Variants in CFAP61 observed in about 807,000 individuals in gnomAD.
CFAP61 encodes cilia- and flagella-associated protein 61.
In CFAP61, 107 loss-of-function variants were observed where a neutral mutation model predicts 135.6. That is an observed-to-expected ratio of 0.79 (90% CI 0.67 to 0.93). The LOEUF is 0.93. Ranked by LOEUF, CFAP61 falls within the 40% of genes least tolerant of loss-of-function variation. The pLI is 0.00. For missense variants in CFAP61, 1,507 were observed against 1,556.2 expected (o/e 0.97, Z 0.53); for synonymous variants, 575 against 578.5 (o/e 0.99, Z 0.09).
At chr20:20,094,629 A>G (rs6081873) in intron 7 of CFAP61, 120,777 of 152,200 alleles carry the variant, frequency 0.79, 48,281 homozygotes, top group East Asian at 0.99. Context: ...TGAAAACTGC[A>G]GTTCCAACCC....
intron 13 of CFAP61, among the ~76,000 whole-genome samples, chr20:20,172,582 T>C (rs567769633): frequency 3.7e-4 from 57 of 152,300 alleles, no homozygotes; most frequent in African/African-American, 1.3e-3. Context: ...GGCCTCCCAG[T>C]GTTGCAATTA....
chr20:20,278,678 G>A (rs1399403861), intron 22 of CFAP61, among the ~76,000 whole-genome samples: 1 of 152,138 alleles, frequency 6.6e-6, no homozygotes, highest in East Asian at 1.9e-4. Context: ...GTGCTGCTAA[G>A]GATTGAGAAT....
At chr20:20,242,709 T>G in intron 18 of CFAP61, among the ~76,000 whole-genome samples, 1 of 152,270 alleles carries the variant, frequency 6.6e-6, no homozygotes, top group East Asian at 1.9e-4. Context: ...GAATGTGCCT[T>G]GGGCTCTGGA....
intron 2 of CFAP61, among the ~76,000 whole-genome samples, chr20:20,059,001 T>TAGTAAAATAAAA (rs2044582536): frequency 6.6e-6 from 1 of 152,164 alleles, no homozygotes; most frequent in Non-Finnish European, 1.5e-5. Context: ...TAACTATGTT[T>TAGTAAAATAAAA]ACTATGTCTA....
At chr20:20,204,550 C>T (rs2056776810) in intron 17 of CFAP61, among the ~76,000 whole-genome samples, 1 of 152,190 alleles carries the variant, frequency 6.6e-6, no homozygotes, top group South Asian at 2.1e-4. Flanking sequence ...TTCACTTGTG[C>T]ATCTGCTGCC....
At chr20:20,126,213 T>C (rs2050054453) in intron 8 of CFAP61, among the ~76,000 whole-genome samples, 1 of 151,852 alleles carries the variant, frequency 6.6e-6, no homozygotes. Context: ...TTAATGTTAG[T>C]GTTGAGATGT....
Position 20,360,279 on chromosome 20 carries a change from A to G in CFAP61, c.3583A>G (p.Lys1195Glu). Residue 1195 changes from lysine to glutamate, a missense_variant, in exon 27 of 27, where the codon AAG becomes GAG. Transcript: ENST00000245957. ...AGATGAGGAAATCAACCCGACTGAGAAGCCCAGGCAATACCTCAAAAGAGT... is the reference window on the plus strand; with the variant it reads ...AGATGAGGAAATCAACCCGACTGAGGAGCCCAGGCAATACCTCAAAAGAGT... The part of the protein sequence containing the change: ...IEDEEINPTE[K>E]PRQYLKRVFE... The G allele has an allele frequency of 6.2e-7, 1 of 1,613,938 alleles. No individual in the cohort carries two copies. The highest frequency in any genetic ancestry group is 1.1e-5 in the South Asian group (1 of 91,082).
rs527426362 is a variant in CFAP61, at chr20:20,059,429, C to T, written c.143+2633C>T. ...GTCAGGAGTTTGAGACCAACCTGGCCTATATGGCAAAACCCCATCTCTACC... is the reference window on the plus strand; with the variant it reads ...GTCAGGAGTTTGAGACCAACCTGGCTTATATGGCAAAACCCCATCTCTACC... On this transcript the variant is annotated intron_variant, in intron 2 of 26. Coordinates refer to ENST00000245957, the MANE Select transcript of CFAP61 (RefSeq NM_015585.4). 6.0e-5 allele frequency among the ~76,000 whole-genome samples: 9 copies of T among 149,952 alleles called. No homozygotes were observed. In the South Asian group the frequency reaches 1.3e-3, roughly 21 times the overall value.
intron 17 of CFAP61, among the ~76,000 whole-genome samples, chr20:20,209,465 C>A (rs893574801): frequency 2.6e-5 from 4 of 152,132 alleles, no homozygotes; most frequent in Non-Finnish European, 5.9e-5. Flanking sequence ...TTTCTCTTGG[C>A]AATATGTTGC....
In CFAP61 at chr20:20,075,856, GT is replaced by G. The variant is rs1413269348; in HGVS notation, c.566+244del. On this transcript the variant is annotated intron_variant, in intron 6 of 26. Coordinates refer to ENST00000245957, the MANE Select transcript of CFAP61 (RefSeq NM_015585.4). ...AACATTATTCATTGACTCCTTAGGG[GT>G]TTCTGAAAACACACAATCCTAGGTC... Among the ~76,000 whole-genome samples, 6 of 152,000 alleles carry G rather than the reference GT, an allele frequency of 3.9e-5. 1 individual carries two copies. The highest frequency in any genetic ancestry group is 3.9e-4 in the Admixed American group (6 of 15,260).
chr20:20,325,758 G>C (rs1303795701), intron 25 of CFAP61, among the ~76,000 whole-genome samples: 2 of 152,190 alleles, frequency 1.3e-5, no homozygotes, highest in Non-Finnish European at 2.9e-5. Flanking sequence ...GATGTGGTAA[G>C]AGTGTTTAGT....
chr20:20,149,867 T>C (rs2424284), intron 9 of CFAP61, among the ~76,000 whole-genome samples: 137,871 of 152,198 alleles, frequency 0.91, 63,263 homozygotes, highest in Middle Eastern at 0.99. Context: ...TGGGGATGAA[T>C]GGGAACCACT....
intron 8 of CFAP61, among the ~76,000 whole-genome samples, chr20:20,114,908 A>T (rs2049034652): frequency 6.6e-6 from 1 of 152,150 alleles, no homozygotes; most frequent in Non-Finnish European, 1.5e-5. Context: ...ATTTGCTAAG[A>T]GTTTTATTAG....
intron 21 of CFAP61, 69 bp from the exon 22 acceptor site, chr20:20,277,094 CATT>C: frequency 8.3e-7 from 1 of 1,211,100 alleles, no homozygotes; most frequent in Non-Finnish European, 1.2e-6. Flanking sequence ...AGCAATTCGG[CATT>C]ATTAGCATTT....
intron 25 of CFAP61, among the ~76,000 whole-genome samples, chr20:20,332,074 G>A (rs2058021232): frequency 6.6e-6 from 1 of 152,152 alleles, no homozygotes. Flanking sequence ...AATTCAATTA[G>A]TGCAGCCCCT....
In CFAP61 at chr20:20,251,623, C is replaced by T. The variant is rs778072749; in HGVS notation, c.2188C>T (p.Leu730=). The stretch of plus-strand genomic sequence containing the variant: ...CTGTTTTAATGATAAAGATTATGCA[C>T]TGATGTCACTGTGCTCCTGGGTTAA... ...DHCFNDKDYA[L]MSLCSWVNVV... Residue 730 remains leucine, a synonymous_variant, in exon 20 of 27, where the codon CTG becomes TTG. Transcript: ENST00000245957. 1 of 1,614,210 alleles carries T rather than the reference C, an allele frequency of 6.2e-7. No individual in the cohort carries two copies. Among genetic ancestry groups the T allele is most frequent in the South Asian group, 1.1e-5 (1 of 91,082 alleles).
intron 2 of CFAP61, among the ~76,000 whole-genome samples, chr20:20,064,570 G>A (rs151116564): frequency 2.1e-4 from 32 of 151,684 alleles, no homozygotes; most frequent in Non-Finnish European, 4.4e-4. Context: ...TGGGCAGGAC[G>A]GGCTGGGATG....
At chr20:20,233,264 T>G (rs902832332) in intron 18 of CFAP61, among the ~76,000 whole-genome samples, 4 of 152,030 alleles carry the variant, frequency 2.6e-5, no homozygotes, top group African/African-American at 9.7e-5. Context: ...TGTCACTAAT[T>G]AGGTGACTAA....
chr20:20,203,724 G>T (rs919095990), intron 17 of CFAP61, among the ~76,000 whole-genome samples: 7 of 152,060 alleles, frequency 4.6e-5, no homozygotes, highest in Admixed American at 2.6e-4. Flanking sequence ...TTTGAGGGTG[G>T]GTCTACATAC....
Sources: allele counts gnomAD v4.1 joint callset (sites outside exome capture counted in the v4.1 genomes callset), GRCh38; gene constraint gnomAD v4.1.1; transcripts MANE v1.5; gene names NCBI Gene and HGNC (gene_info 2026-07-23, HGNC 2026-07-21).